Variants in PLPP1 observed in about 807,000 individuals in gnomAD.
PLPP1 encodes lipid phosphate phosphohydrolase 1a.
PLPP1 carries 24 observed loss-of-function variants against 31.2 expected under a neutral mutation model. The observed-to-expected ratio is 0.77, with a 90% confidence interval of 0.56 to 1.08. The LOEUF (loss-of-function observed/expected upper bound fraction) is 1.08. Among genes scored for constraint, PLPP1 ranks in the 50% least tolerant of loss-of-function variants. The pLI is 0.00. For synonymous variants in PLPP1, 146 were observed against 126.3 expected (o/e 1.16, Z -1.05); for missense variants, 319 against 342.7 (o/e 0.93, Z 0.55).
intron 1 of PLPP1, among the ~76,000 whole-genome samples, chr5:55,489,398 C>A (rs1453428744): frequency 6.6e-6 from 1 of 152,134 alleles, no homozygotes; most frequent in Non-Finnish European, 1.5e-5. Flanking sequence ...TACTTCCCTG[C>A]ACACAGTTTC....
intron 1 of PLPP1, among the ~76,000 whole-genome samples, chr5:55,523,122 C>G (rs1753708585): frequency 2.0e-5 from 3 of 152,002 alleles, no homozygotes; most frequent in African/African-American, 2.4e-5. Flanking sequence ...AGTAAATATA[C>G]ATACATATGG....
chr5:55,493,437 C>T (rs553064138), intron 1 of PLPP1, among the ~76,000 whole-genome samples: 2 of 152,090 alleles, frequency 1.3e-5, no homozygotes, highest in South Asian at 2.1e-4. Flanking sequence ...CTTGAGATTT[C>T]TGTGTTTATT....
At chr5:55,531,045 C>T (rs187976475) in intron 1 of PLPP1, among the ~76,000 whole-genome samples, 12 of 152,322 alleles carry the variant, frequency 7.9e-5, no homozygotes, top group Admixed American at 7.8e-4. Context: ...TTTTCTCATG[C>T]GCTCAGATAA....
chr5:55,426,560 C>T (rs1474321351), intron 4 of PLPP1, among the ~76,000 whole-genome samples: 1 of 115,668 alleles, frequency 8.6e-6, no homozygotes, highest in Non-Finnish European at 1.8e-5. Flanking sequence ...TGTCACTGAG[C>T]CCAGCTAATT....
intron 1 of PLPP1, among the ~76,000 whole-genome samples, chr5:55,520,883 C>G (rs1225726319): frequency 6.6e-6 from 1 of 152,198 alleles, no homozygotes; most frequent in African/African-American, 2.4e-5. Context: ...TGTACAGCAA[C>G]AGCAATGGTT....
chr5:55,522,068 C>T (rs1022013266), intron 1 of PLPP1, among the ~76,000 whole-genome samples: 1 of 152,136 alleles, frequency 6.6e-6, no homozygotes, highest in African/African-American at 2.4e-5. Context: ...CCTGGACACC[C>T]CACCCTGAAA....
At chr5:55,467,762 ATAACACTAACTTCTCTTTTT>A (rs1752336056) in intron 3 of PLPP1, 87 bp downstream of exon 3, 1 of 1,239,952 alleles carries the variant, frequency 8.1e-7, no homozygotes, top group African/African-American at 1.5e-5. Flanking sequence ...CCTCCCAGTG[ATAACACTAACTTCTCTTTTT>A]AAGTGCGTGG....
chr5:55,460,192 C>T (rs927489416), intron 3 of PLPP1, among the ~76,000 whole-genome samples: 1 of 152,048 alleles, frequency 6.6e-6, no homozygotes, highest in African/African-American at 2.4e-5. Flanking sequence ...ACTATATTTT[C>T]AGTTAAATAA....
intron 1 of PLPP1, among the ~76,000 whole-genome samples, chr5:55,524,487 A>T (rs1412937384): frequency 6.6e-6 from 1 of 152,172 alleles, no homozygotes; most frequent in Non-Finnish European, 1.5e-5. Flanking sequence ...TATACAAATG[A>T]GGATGTATAA....
At chr5:55,464,217 C>T (rs1172660820) in intron 3 of PLPP1, among the ~76,000 whole-genome samples, 4 of 145,370 alleles carry the variant, frequency 2.8e-5, no homozygotes, top group Admixed American at 7.2e-5. Flanking sequence ...TGTACTGGTA[C>T]ACAAATGTTC....
chr5:55,524,441 TG>T (rs962911658), intron 1 of PLPP1, among the ~76,000 whole-genome samples: 1 of 152,210 alleles, frequency 6.6e-6, no homozygotes, highest in African/African-American at 2.4e-5. Context: ...CCTTGCTGCC[TG>T]TTTAATCGCC....
intron 1 of PLPP1, among the ~76,000 whole-genome samples, chr5:55,517,236 T>TA (rs1200006758): frequency 2.6e-5 from 4 of 152,214 alleles, no homozygotes; most frequent in African/African-American, 9.6e-5. Context: ...TCGCCCAGGC[T>TA]AGAGTATAGT....
At chr5:55,470,769 T>A (rs963120786) in intron 2 of PLPP1, among the ~76,000 whole-genome samples, 1 of 152,232 alleles carries the variant, frequency 6.6e-6, no homozygotes, top group African/African-American at 2.4e-5. Flanking sequence ...TAACCTTTCA[T>A]GAAGTTTACA....
chr5:55,425,351 T>TTAA lies in PLPP1; in HGVS notation c.727-20_727-18dup, dbSNP rs747315682. 7.0e-6 allele frequency: 11 copies of TTAA among 1,575,296 alleles called. No individual in the cohort carries two copies. In the Admixed American group the frequency reaches 2.0e-4, roughly 28 times the overall value. ...ATATACAGCCTACAGTGCAAAATATTTAATGGTATAATTTAGATCAAGTTA... is the reference window on the plus strand; with the variant it reads ...ATATACAGCCTACAGTGCAAAATATTTAATAATGGTATAATTTAGATCAAGTTA... On this transcript the variant is annotated splice_polypyrimidine_tract_variant and intron_variant, in intron 5 of 5. Coordinates refer to ENST00000307259, the MANE Select transcript of PLPP1 (RefSeq NM_003711.4).
chr5:55,469,480 A>G lies in PLPP1; in HGVS notation c.211-1331T>C, dbSNP rs147712392. On this transcript the variant is annotated intron_variant, in intron 2 of 5. Transcript: ENST00000307259. Reference sequence around the variant, plus strand: ...ACTCCAGCCTGGGTGCGACACAGCGAGACCCCATCTCAAAAAATAATAATA... The same window carrying G: ...ACTCCAGCCTGGGTGCGACACAGCGGGACCCCATCTCAAAAAATAATAATA... Among the ~76,000 whole-genome samples the G allele has an allele frequency of 6.4e-3, 959 of 149,336 alleles. 15 individuals carry two copies. Among genetic ancestry groups the G allele is most frequent in the African/African-American group, 0.021 (854 of 40,540 alleles).
At chr5:55,428,347 G>C (rs1004196081) in intron 4 of PLPP1, among the ~76,000 whole-genome samples, 3 of 152,178 alleles carry the variant, frequency 2.0e-5, no homozygotes, top group Non-Finnish European at 4.4e-5. Flanking sequence ...CCTGGGTCAG[G>C]GTACTCGGTG....
chr5:55,448,732 G>A (rs186990301), intron 3 of PLPP1, among the ~76,000 whole-genome samples: 1 of 152,218 alleles, frequency 6.6e-6, no homozygotes, highest in Non-Finnish European at 1.5e-5. Flanking sequence ...ACAGGCATGA[G>A]CCTCCGCACC....
rs147436271 is a variant in PLPP1, at chr5:55,441,319, T to C, written c.549+532A>G. 6.3e-3 allele frequency among the ~76,000 whole-genome samples: 963 copies of C among 152,358 alleles called. 15 individuals are homozygous for C. The highest frequency in any genetic ancestry group is 0.021 in the African/African-American group (857 of 41,580). ...ATCAGAACTGGACCTGGAAGTTGTATAGATGACAGGCTCCAGAAGTGGCAA... is the reference window on the plus strand; with the variant it reads ...ATCAGAACTGGACCTGGAAGTTGTACAGATGACAGGCTCCAGAAGTGGCAA... On this transcript the variant is annotated intron_variant, in intron 4 of 5. Transcript: ENST00000307259.
chr5:55,534,466 C>T, intron 1 of PLPP1, 106 bp downstream of exon 1: 2 of 1,178,430 alleles, frequency 1.7e-6, no homozygotes, highest in Non-Finnish European at 2.3e-6. Flanking sequence ...CGCCCCACAG[C>T]TGCGCACGCG....
Sources: allele counts gnomAD v4.1 joint callset (sites outside exome capture counted in the v4.1 genomes callset), GRCh38; gene constraint gnomAD v4.1.1; transcripts MANE v1.5; gene names NCBI Gene and HGNC (gene_info 2026-07-23, HGNC 2026-07-21).